The following FNBP1 variants were observed in gnomAD, a reference collection of about 807,000 sequenced individuals.
FNBP1 encodes the protein formin-binding protein 1.
Under a neutral mutation model 90.6 loss-of-function variants are expected in FNBP1, and 26 were observed. The observed-to-expected ratio is 0.29, with a 90% confidence interval of 0.21 to 0.40. The LOEUF is 0.40. FNBP1 is among the 10% of genes least tolerant of loss of function. FNBP1 has a pLI of 1.00. For missense variants in FNBP1, 635 were observed against 768.0 expected (o/e 0.83, Z 2.05); for synonymous variants, 260 against 265.2 (o/e 0.98, Z 0.19).
chr9:130,023,357 A>C (rs1299027385), intron 1 of FNBP1, among the ~76,000 whole-genome samples: 2 of 152,206 alleles, frequency 1.3e-5, no homozygotes, highest in Non-Finnish European at 2.9e-5. Flanking sequence ...ATCTTGGCTG[A>C]ACCCTCAGAG....
intron 1 of FNBP1, among the ~76,000 whole-genome samples, chr9:130,025,427 T>C (rs1439118157): frequency 2.6e-5 from 4 of 152,230 alleles, no homozygotes; most frequent in Non-Finnish European, 1.5e-5. Flanking sequence ...GTAATTGGCA[T>C]TGCCATGTTA....
chr9:129,965,802 AAGGAGGGAGGG>A (rs2048527689), intron 4 of FNBP1, among the ~76,000 whole-genome samples: 1 of 64,566 alleles, frequency 1.5e-5, no homozygotes, highest in Non-Finnish European at 3.7e-5. Flanking sequence ...GGGAGGGGGG[AAGGAGGGAGGG>A]AGGGAGGAAG....
intron 1 of FNBP1, among the ~76,000 whole-genome samples, chr9:130,028,502 AT>A (rs11295336): frequency 0.035 from 5,191 of 148,462 alleles, 89 homozygotes; most frequent in Non-Finnish European, 0.038. Flanking sequence ...ATCAGTGGAC[AT>A]TTTTTTTTTT....
intron 12 of FNBP1, among the ~76,000 whole-genome samples, chr9:129,905,527 C>G (rs2037858691): frequency 6.6e-6 from 1 of 151,964 alleles, no homozygotes; most frequent in South Asian, 2.1e-4. Flanking sequence ...CCAAGCTGGT[C>G]TTGAACTCCT....
intron 16 of FNBP1, among the ~76,000 whole-genome samples, chr9:129,892,208 A>C (rs1455198927): frequency 6.6e-6 from 1 of 152,194 alleles, no homozygotes; most frequent in African/African-American, 2.4e-5. Flanking sequence ...TTTAAGTTGC[A>C]GTATATACAC....
intron 4 of FNBP1, among the ~76,000 whole-genome samples, chr9:129,960,394 A>AG (rs1179562713): frequency 2.0e-5 from 3 of 147,716 alleles, no homozygotes; most frequent in African/African-American, 7.4e-5. Context: ...AAAAAAAAAA[A>AG]AAAAAAAAAG....
intron 6 of FNBP1, among the ~76,000 whole-genome samples, chr9:129,954,260 T>C (rs2046599640): frequency 6.6e-6 from 1 of 152,026 alleles, no homozygotes; most frequent in African/African-American, 2.4e-5. Context: ...GACAATAAAA[T>C]ATGGAATCCG....
At chr9:130,026,466 C>T (rs186070121) in intron 1 of FNBP1, among the ~76,000 whole-genome samples, 39 of 151,974 alleles carry the variant, frequency 2.6e-4, no homozygotes, top group Admixed American at 1.8e-3. Context: ...TGCACTCCAG[C>T]GTGGGCAACA....
At chr9:130,000,995 T>G (rs1359148861) in intron 1 of FNBP1, among the ~76,000 whole-genome samples, 1 of 152,206 alleles carries the variant, frequency 6.6e-6, no homozygotes, top group Non-Finnish European at 1.5e-5. Flanking sequence ...TAATCTTCAC[T>G]GTTTCATTAA....
At position 129,890,887 on chromosome 9, in the gene FNBP1, T is replaced by G. The variant is rs2035038228; in HGVS notation, c.1847-341A>C. Among the ~76,000 whole-genome samples, 1 of 152,216 alleles carries G rather than the reference T, an allele frequency of 6.6e-6. No homozygotes were observed. Among genetic ancestry groups the G allele is most frequent in the Admixed American group, 6.5e-5 (1 of 15,284 alleles). On this transcript the variant is annotated intron_variant, in intron 16 of 16. Coordinates refer to ENST00000446176, the MANE Select transcript of FNBP1 (RefSeq NM_015033.3). The surrounding 1 kb of genome is among the most constrained non-coding windows in gnomAD (Gnocchi z 5.8). ...AAACGGAGGCCGGGGCTGGGCGCCG[T>G]GGCTCATGCCTGTAATCCCAGCACT...
chr9:130,044,773 T>C (rs925965751), upstream of FNBP1: 3 of 151,846 alleles, frequency 2.0e-5, no homozygotes, highest in African/African-American at 7.3e-5. Context: ...CCGTCTCTAC[T>C]AAAAACACAA....
At chr9:130,029,422 T>G (rs2058619169) in intron 1 of FNBP1, among the ~76,000 whole-genome samples, 1 of 152,144 alleles carries the variant, frequency 6.6e-6, no homozygotes, top group African/African-American at 2.4e-5. Context: ...CCCTATAATC[T>G]TTTTCAAATG....
intron 1 of FNBP1, among the ~76,000 whole-genome samples, chr9:130,010,024 T>C (rs956167503): frequency 4.0e-5 from 6 of 149,730 alleles, no homozygotes; most frequent in Non-Finnish European, 3.0e-5. Context: ...TTTTTGTCCA[T>C]GTGCATGCCA....
intron 11 of FNBP1, among the ~76,000 whole-genome samples, chr9:129,914,755 G>GTGTGTATATATATATATATA (rs71499203): frequency 1.0e-5 from 1 of 98,434 alleles, no homozygotes; most frequent in Non-Finnish European, 2.1e-5. Context: ...ACATACATAT[G>GTGTGTATATATATATATATA]TCTATATATA....
At chr9:129,915,579 G>C (rs1313388357) in intron 11 of FNBP1, among the ~76,000 whole-genome samples, 1 of 152,072 alleles carries the variant, frequency 6.6e-6, no homozygotes, top group Middle Eastern at 3.2e-3. Context: ...GCCCGGGTTG[G>C]TCTCGAACTC....
At position 130,029,763 on chromosome 9, in the gene FNBP1, C is replaced by T. The variant is rs529984139; in HGVS notation, c.24+13189G>A. ...CTTTCGGAGGCCAAGGCAGGGGGAT[C>T]GCTTGGACTCAGGAGTTCAAGACCA... is the stretch of plus-strand genomic sequence containing the variant. On this transcript the variant is annotated intron_variant, in intron 1 of 16. Transcript: ENST00000446176. Among the ~76,000 whole-genome samples the T allele has an allele frequency of 3.9e-5, 6 of 152,094 alleles. No individual in the cohort carries two copies. The East Asian group carries it at 1.2e-3, about 30-fold the overall frequency.
Position 129,919,154 on chromosome 9 carries a change from C to A in FNBP1, c.1171-3174G>T, listed in dbSNP as rs749288974. 682 of 1,282,540 alleles carry A rather than the reference C, an allele frequency of 5.3e-4. 1 individual carries two copies. Among genetic ancestry groups the A allele is most frequent in the Non-Finnish European group, 6.6e-4 (648 of 978,188 alleles). 79.4% of individuals were successfully genotyped at this position (1,282,540 alleles called of 1,614,324 possible). ...GTATGACCTGGCCATCACAGGTGAA[C>A]TTACAACATAGTCCCTAGCCTCAAA... On this transcript the variant is annotated intron_variant, in intron 10 of 16. Coordinates refer to ENST00000446176, the MANE Select transcript of FNBP1 (RefSeq NM_015033.3).
chr9:129,995,198 C>A (rs1238137773), intron 1 of FNBP1, among the ~76,000 whole-genome samples: 1 of 152,100 alleles, frequency 6.6e-6, no homozygotes, highest in Non-Finnish European at 1.5e-5. Flanking sequence ...CTTTTAGAAA[C>A]ATAGTTTTCA....
chr9:129,959,543 C>T lies in FNBP1; in HGVS notation c.346-990G>A, dbSNP rs138992482. Among the ~76,000 whole-genome samples the T allele has an allele frequency of 5.9e-3, 892 of 152,078 alleles. 9 individuals carry two copies. The highest frequency in any genetic ancestry group is 0.02 in the African/African-American group (827 of 41,474). ...GGCAGAGGTTGCAGTGAGCTGAGAT[C>T]GTGCTAATGCACTCCAGCTCTGGGC... On this transcript the variant is annotated intron_variant, in intron 4 of 16. Transcript: ENST00000446176.
Sources: gnomAD v4.1 joint callset for allele counts (sites outside exome capture counted in the v4.1 genomes callset) on GRCh38, gnomAD v4.1.1 for gene constraint, Gnocchi (gnomAD v3.1) non-coding constraint, MANE v1.5 for transcripts, NCBI Gene and HGNC (gene_info 2026-07-23, HGNC 2026-07-21) for gene names.